Variants in SLC17A8 observed in about 807,000 individuals in gnomAD.
The protein encoded by SLC17A8 is solute carrier family 17 member 8.
In SLC17A8, 31 loss-of-function variants were observed where a neutral mutation model predicts 58.0. The observed-to-expected ratio is 0.53, with a 90% confidence interval of 0.40 to 0.72. The LOEUF is 0.72. Among genes scored for constraint, SLC17A8 ranks in the 30% least tolerant of loss-of-function variants. The pLI, the probability that SLC17A8 is intolerant of heterozygous loss-of-function variation, is 0.00. For missense variants in SLC17A8, 655 were observed against 727.8 expected (o/e 0.90, Z 1.15); for synonymous variants, 228 against 249.0 (o/e 0.92, Z 0.79).
intron 1 of SLC17A8, among the ~76,000 whole-genome samples, chr12:100,365,908 A>G (rs2135971457): frequency 6.6e-6 from 1 of 152,290 alleles, no homozygotes; most frequent in Non-Finnish European, 1.5e-5. Context: ...CCACGGATAT[A>G]TACTGTCATT....
At chr12:100,401,938 A>G in intron 6 of SLC17A8, 75 bp downstream of exon 6, 1 of 1,106,908 alleles carries the variant, frequency 9.0e-7, no homozygotes, top group African/African-American at 1.5e-5. Context: ...TTTGGCTCAG[A>G]GTTCATTACA....
Position 100,420,279 on chromosome 12 carries a change from C to T in SLC17A8, c.*120C>T. 1 of 743,070 alleles carries T rather than the reference C, an allele frequency of 1.3e-6. No homozygotes were observed. Among genetic ancestry groups the T allele is most frequent in the Admixed American group, 2.3e-5 (1 of 43,770 alleles). The allele number at this position is 743,070 out of a possible 1,614,324, so 46.0% of individuals were successfully genotyped here. A position where few individuals can be genotyped will look rare whatever the true frequency, so the allele number is the denominator to read the frequency against. ...ATATTGGGAGGGGAGAAGATCTAAC[C>T]AGCAACAGGGAAAAGAGAAATATTA... On this transcript the variant is annotated 3_prime_UTR_variant, in exon 12 of 12. Transcript: ENST00000323346.
At chr12:100,404,335 C>A in intron 9 of SLC17A8, 165 bp downstream of exon 9, 1 of 830,542 alleles carries the variant, frequency 1.2e-6, no homozygotes, top group Non-Finnish European at 2.0e-6. Flanking sequence ...ACAGTGCTGC[C>A]AAGAGGTCAT....
At chr12:100,386,904 G>A (rs990197082) in intron 2 of SLC17A8, among the ~76,000 whole-genome samples, 1 of 152,008 alleles carries the variant, frequency 6.6e-6, no homozygotes, top group African/African-American at 2.4e-5. Context: ...GGCCAGGCTG[G>A]TCTCGAACTC....
rs1172504543 is a variant in SLC17A8, at chr12:100,421,158, T to G, written c.*999T>G. 1 of 152,344 alleles carries G rather than the reference T, an allele frequency of 6.6e-6. No homozygotes were observed. The highest frequency in any genetic ancestry group is 1.9e-4 in the East Asian group (1 of 5,192). 9.4% of individuals were successfully genotyped at this position (152,344 alleles called of 1,614,324 possible). A position where few individuals can be genotyped will look rare whatever the true frequency, so the allele number is the denominator to read the frequency against. On this transcript the variant is annotated 3_prime_UTR_variant, in exon 12 of 12. Transcript: ENST00000323346. ...AATGTAGCTAAATGATGTCCCAAACTACTTACAAACTTTTAAGACATTTAA... is the reference window on the plus strand; with the variant it reads ...AATGTAGCTAAATGATGTCCCAAACGACTTACAAACTTTTAAGACATTTAA...
At chr12:100,399,741 A>G (rs1952778606) in intron 5 of SLC17A8, among the ~76,000 whole-genome samples, 1 of 152,222 alleles carries the variant, frequency 6.6e-6, no homozygotes, top group Admixed American at 6.5e-5. Flanking sequence ...CATGGGGATT[A>G]CAATTTGAGA....
At chr12:100,380,607 T>G in intron 1 of SLC17A8, 94 bp from the exon 2 acceptor site, 1 of 1,451,708 alleles carries the variant, frequency 6.9e-7, no homozygotes, top group Non-Finnish European at 9.5e-7. Context: ...TTTTTGTTTT[T>G]CATCTGCTGG....
rs770637279 is a variant in SLC17A8, at chr12:100,404,162, AC to A, written c.1179del (p.Cys394ValfsTer31). 6.2e-7 allele frequency: 1 copy of A among 1,614,184 alleles called. No homozygotes were observed. The highest frequency in any genetic ancestry group is 1.1e-5 in the South Asian group (1 of 91,084). On this transcript the variant is annotated frameshift_variant, in exon 9 of 12. Transcript: ENST00000323346. LOFTEE classifies it high-confidence loss of function. ...ACAACTGCTGTCAGAAAAATCATGA[AC>A]TGTGGAGGTACTGTGGATTTCATAG... Reference protein sequence around the residue: ...LTTTAVRKIMNCGGFGMEATL... With the variant: ...LTTTAVRKIMXCGGFGMEATL...
intron 1 of SLC17A8, among the ~76,000 whole-genome samples, chr12:100,371,125 T>C (rs117560892): frequency 0.021 from 3,131 of 152,340 alleles, 32 homozygotes; most frequent in Non-Finnish European, 0.027. Flanking sequence ...TTTTAAATTC[T>C]CCTTCCTTTC....
chr12:100,416,352 C>T (rs951921189), intron 10 of SLC17A8, among the ~76,000 whole-genome samples: 11 of 152,176 alleles, frequency 7.2e-5, no homozygotes, highest in African/African-American at 2.7e-4. Context: ...CATTCAAATC[C>T]ATGGTAAGAT....
At chr12:100,379,054 G>A (rs1952613956) in intron 1 of SLC17A8, among the ~76,000 whole-genome samples, 1 of 152,140 alleles carries the variant, frequency 6.6e-6, no homozygotes, top group Non-Finnish European at 1.5e-5. Flanking sequence ...CACAGTAGGC[G>A]CTCAATATAT....
intron 9 of SLC17A8, 114 bp from the exon 10 acceptor site, chr12:100,412,642 AACATAGACACAAAC>A: frequency 8.7e-6 from 6 of 691,202 alleles, no homozygotes; most frequent in South Asian, 3.3e-5. Context: ...GTAAAAAAAA[AACATAGACACAAAC>A]AAAATAAACT....
chr12:100,407,212 T>C (rs1157009138), intron 9 of SLC17A8, among the ~76,000 whole-genome samples: 3 of 152,234 alleles, frequency 2.0e-5, no homozygotes, highest in African/African-American at 7.2e-5. Flanking sequence ...TATCTGTGAT[T>C]GTATTTCCTT....
At chr12:100,361,390 T>C (rs1952483485) in intron 1 of SLC17A8, among the ~76,000 whole-genome samples, 2 of 152,254 alleles carry the variant, frequency 1.3e-5, no homozygotes, top group Admixed American at 6.5e-5. Context: ...CTGTTTCTTT[T>C]GCTTAAATGC....
chr12:100,376,873 A>C (rs1052587999), intron 1 of SLC17A8, among the ~76,000 whole-genome samples: 2 of 151,956 alleles, frequency 1.3e-5, no homozygotes, highest in African/African-American at 4.8e-5. Flanking sequence ...GCAGCAGTGC[A>C]ATCTCAGCTC....
intron 10 of SLC17A8, among the ~76,000 whole-genome samples, chr12:100,414,030 T>A (rs1354283755): frequency 6.6e-6 from 1 of 152,058 alleles, no homozygotes; most frequent in African/African-American, 2.4e-5. Flanking sequence ...TTAAAGAAAA[T>A]TTCACATATA....
At position 100,380,782 on chromosome 12, in the gene SLC17A8, C is replaced by G. The variant is rs754037952; in HGVS notation, c.183C>G (p.Ser61Arg). Residue 61 changes from serine (S) to arginine (R), a missense_variant, in exon 2 of 12, where the codon AGC (serine) becomes AGG (arginine). By Grantham distance (110) the Ser-to-Arg change is moderately radical (BLOSUM62 -1). Transcript: ENST00000323346. Reference sequence around the variant, plus strand: ...GGCCGGTGCAGACGTCCAGGCCAAGCCCCCCACTCTGCGACTGCCACTGCT... The same window carrying G: ...GGCCGGTGCAGACGTCCAGGCCAAGGCCCCCACTCTGCGACTGCCACTGCT... Reference protein sequence around the residue: ...EGRPVQTSRPSPPLCDCHCCG... With the variant: ...EGRPVQTSRPRPPLCDCHCCG... 2 of 1,614,080 alleles carry G rather than the reference C, an allele frequency of 1.2e-6. No homozygotes were observed. The highest frequency in any genetic ancestry group is 3.3e-5 in the Admixed American group (2 of 60,014).
At chr12:100,374,756 AATT>A (rs1343221759) in intron 1 of SLC17A8, among the ~76,000 whole-genome samples, 1 of 152,142 alleles carries the variant, frequency 6.6e-6, no homozygotes, top group East Asian at 1.9e-4. Context: ...AGGTCCTGCT[AATT>A]ATTGATCCTC....
chr12:100,418,778 T>C (rs1339501175), intron 11 of SLC17A8, among the ~76,000 whole-genome samples: 3 of 151,938 alleles, frequency 2.0e-5, no homozygotes, highest in Non-Finnish European at 4.4e-5. Flanking sequence ...GGGATTTTTT[T>C]CCCCCATCTA....
Sources: gnomAD v4.1 joint callset for allele counts (sites outside exome capture counted in the v4.1 genomes callset) on GRCh38, gnomAD v4.1.1 for gene constraint, MANE v1.5 for transcripts, NCBI Gene and HGNC (gene_info 2026-07-23, HGNC 2026-07-21) for gene names.